TMEM132C: variants seen among roughly 807,000 people sequenced by gnomAD.
TMEM132C encodes transmembrane protein 132C, also known as protein phosphatase 1, regulatory subunit 152.
A neutral mutation model predicts 61.4 loss-of-function variants in TMEM132C; 29 were observed. The observed-to-expected ratio is 0.47, with a 90% confidence interval of 0.35 to 0.64. The LOEUF (loss-of-function observed/expected upper bound fraction) is 0.64. Among genes scored for constraint, TMEM132C ranks in the 30% least tolerant of loss-of-function variants. The pLI, the probability that TMEM132C is intolerant of heterozygous loss-of-function variation, is 0.00. For synonymous variants in TMEM132C, 656 were observed against 633.1 expected, an observed-to-expected ratio of 1.04 and a Z score of -0.54; for missense variants, 1,408 against 1,476.9, an observed-to-expected ratio of 0.95 and a Z score of 0.76.
Position 128,684,007 on chromosome 12 carries a change from T to TAAAG in TMEM132C, c.1450-9819_1450-9818insGAAA, listed in dbSNP as rs775490351. On this transcript the variant is annotated intron_variant, in intron 5 of 8. Transcript: ENST00000435159. ...ATAAATAAATAAATAAATAAATAAA[T>TAAAG]AAATGTTGGTGCCTCTTATTGAATC... is the stretch of plus-strand genomic sequence containing the variant. Among the ~76,000 whole-genome samples, 583 of 139,098 alleles carry TAAAG rather than the reference T, an allele frequency of 4.2e-3. 4 individuals are homozygous for TAAAG. Among genetic ancestry groups the TAAAG allele is most frequent in the Admixed American group, 6.8e-3 (92 of 13,606 alleles). 91.3% of individuals were successfully genotyped at this position (139,098 alleles called of 152,430 possible).
At chr12:128,539,990 C>G (rs1873678124) in intron 2 of TMEM132C, among the ~76,000 whole-genome samples, 1 of 151,862 alleles carries the variant, frequency 6.6e-6, no homozygotes, top group South Asian at 2.1e-4. Context: ...TTTCTTTTTT[C>G]TGTTATTGAC....
chr12:128,557,847 T>C (rs1874379922), intron 3 of TMEM132C, among the ~76,000 whole-genome samples: 1 of 152,272 alleles, frequency 6.6e-6, no homozygotes, highest in Admixed American at 6.5e-5. Context: ...GGATCTTTTT[T>C]CTACATCAGA....
chr12:128,434,883 A>T (rs1869527255), intron 2 of TMEM132C, among the ~76,000 whole-genome samples: 1 of 151,748 alleles, frequency 6.6e-6, no homozygotes, highest in Non-Finnish European at 1.5e-5. Flanking sequence ...CGACCTCCCA[A>T]AGTGCTGGGA....
intron 2 of TMEM132C, among the ~76,000 whole-genome samples, chr12:128,438,411 C>T (rs1423562080): frequency 6.6e-6 from 1 of 152,136 alleles, no homozygotes; most frequent in Non-Finnish European, 1.5e-5. Flanking sequence ...GTGATCTCTG[C>T]ACACACCGGC....
intron 1 of TMEM132C, among the ~76,000 whole-genome samples, chr12:128,357,970 G>A (rs929300597): frequency 1.1e-4 from 17 of 152,196 alleles, no homozygotes; most frequent in East Asian, 1.9e-4. Flanking sequence ...CTGCTCAGGG[G>A]CCAGGAGTGT....
intron 2 of TMEM132C, among the ~76,000 whole-genome samples, chr12:128,416,591 G>A (rs967176483): frequency 1.1e-4 from 17 of 152,314 alleles, no homozygotes; most frequent in African/African-American, 3.6e-4. Context: ...AAGCTAGAAT[G>A]ATAGCCTATC....
chr12:128,505,289 T>C (rs1352729996), intron 2 of TMEM132C, among the ~76,000 whole-genome samples: 1 of 152,142 alleles, frequency 6.6e-6, no homozygotes, highest in African/African-American at 2.4e-5. Flanking sequence ...AGAGACAAGA[T>C]AGATTGTTTC....
chr12:128,314,282 G>A (rs1228638531), intron 1 of TMEM132C, among the ~76,000 whole-genome samples: 1 of 152,202 alleles, frequency 6.6e-6, no homozygotes, highest in African/African-American at 2.4e-5. Context: ...TGGTTTTCAG[G>A]TGATTTCTGA....
chr12:128,609,463 G>T (rs907251458), intron 3 of TMEM132C, among the ~76,000 whole-genome samples: 1 of 151,720 alleles, frequency 6.6e-6, no homozygotes. Context: ...TTGCCACGTT[G>T]CCCAGGCTGG....
At chr12:128,374,918 CAAA>C (rs10601290) in intron 1 of TMEM132C, among the ~76,000 whole-genome samples, 105,412 of 126,792 alleles carry the variant, frequency 0.83, 46,010 homozygotes, top group East Asian at 0.97. Context: ...CCGTCTGTCT[CAAA>C]AAAAAAAAAA....
At chr12:128,433,475 G>GA (rs1179148786) in intron 2 of TMEM132C, among the ~76,000 whole-genome samples, 2 of 152,060 alleles carry the variant, frequency 1.3e-5, no homozygotes, top group African/African-American at 2.4e-5. Flanking sequence ...TAAACTTTAA[G>GA]AAAAAAATTA....
chr12:128,655,512 C>CA (rs1954317005), intron 4 of TMEM132C, among the ~76,000 whole-genome samples: 1 of 151,794 alleles, frequency 6.6e-6, no homozygotes. Flanking sequence ...ATCAGCACGC[C>CA]AGTCGGCTGC....
intron 1 of TMEM132C, among the ~76,000 whole-genome samples, chr12:128,300,633 C>G (rs1593002818): frequency 6.6e-6 from 1 of 152,120 alleles, no homozygotes; most frequent in Non-Finnish European, 1.5e-5. Context: ...TTCTAAGAAC[C>G]AGGGGTGGAC....
chr12:128,643,452 C>T (rs180822006), intron 4 of TMEM132C, among the ~76,000 whole-genome samples: 1 of 152,088 alleles, frequency 6.6e-6, no homozygotes, highest in East Asian at 1.9e-4. Flanking sequence ...AACGAAACCT[C>T]GGCTGAGGAA....
intron 1 of TMEM132C, among the ~76,000 whole-genome samples, chr12:128,384,053 CCAAA>C (rs776674735): frequency 6.6e-5 from 10 of 152,054 alleles, no homozygotes; most frequent in East Asian, 1.9e-4. Flanking sequence ...CCAAAGAAAC[CCAAA>C]CAAACAAACA....
At chr12:128,523,425 T>C (rs1872974964) in intron 2 of TMEM132C, among the ~76,000 whole-genome samples, 1 of 152,258 alleles carries the variant, frequency 6.6e-6, no homozygotes, top group African/African-American at 2.4e-5. Context: ...TTTTATGTTA[T>C]GTGTATTTTA....
intron 1 of TMEM132C, among the ~76,000 whole-genome samples, chr12:128,380,314 A>C (rs375730775): frequency 9.2e-5 from 14 of 152,248 alleles, no homozygotes; most frequent in African/African-American, 3.4e-4. Flanking sequence ...GTGAGAAATA[A>C]ATCAGAGAAT....
rs1231019896 is a variant in TMEM132C, at chr12:128,527,605, C to CT, written c.975-16348dup. On this transcript the variant is annotated intron_variant, in intron 2 of 8. Coordinates refer to ENST00000435159, the MANE Select transcript of TMEM132C (RefSeq NM_001136103.3). ...TTTGGGGTTTTATTATTAATACACT[C>CT]TTTTGCAGCAGTAACTCTTGACCAA... Among the ~76,000 whole-genome samples the CT allele has an allele frequency of 3.3e-5, 5 of 152,268 alleles. No homozygotes were observed. In the East Asian group the frequency reaches 9.7e-4, roughly 29 times the overall value.
Position 128,705,781 on chromosome 12 carries a change from T to C in TMEM132C, c.2813T>C (p.Ile938Thr), listed in dbSNP as rs540673444. 1 of 1,551,564 alleles carries C rather than the reference T, an allele frequency of 6.4e-7. No homozygotes were observed. Among genetic ancestry groups the C allele is most frequent in the Non-Finnish European group, 8.7e-7 (1 of 1,147,028 alleles). ...YALLGVFCLA[I>T]LVFLINCATF... ...CTCCTGGGGGTGTTCTGCCTGGCCA[T>C]CCTCGTCTTCCTGATCAACTGCGCC... The change falls in exon 9 of 9, where the codon ATC (isoleucine) becomes ACC (threonine). Residue 938 changes from isoleucine to threonine, a missense_variant. Coordinates refer to ENST00000435159, the MANE Select transcript of TMEM132C (RefSeq NM_001136103.3).
Sources: allele counts gnomAD v4.1 joint callset (sites outside exome capture counted in the v4.1 genomes callset), GRCh38; gene constraint gnomAD v4.1.1; transcripts MANE v1.5; gene names NCBI Gene and HGNC (gene_info 2026-07-23, HGNC 2026-07-21).